Variants in RALYL observed in about 807,000 individuals in gnomAD.
The protein encoded by RALYL is RALY RNA binding protein like.
A neutral mutation model predicts 35.1 loss-of-function variants in RALYL; 29 were observed. That is an observed-to-expected ratio of 0.83 (90% CI 0.61 to 1.13). The LOEUF is 1.13. Among genes scored for constraint, RALYL ranks in the 50% most tolerant of loss-of-function variants. The pLI, the probability that RALYL is intolerant of heterozygous loss-of-function variation, is 0.00. For missense variants in RALYL, 359 were observed against 360.4 expected (o/e 1.00, Z 0.03); for synonymous variants, 120 against 127.6 (o/e 0.94, Z 0.40).
At position 84,691,228 on chromosome 8, in the gene RALYL, T is replaced by A. The variant is rs1302309809; in HGVS notation, c.257-83351T>A. On this transcript the variant is annotated intron_variant, in intron 2 of 8. Transcript: ENST00000521268. ...GGGATCTAGAAATGATAAATGGGCT[T>A]GTGATGAACTCTCCTGAAGGAAAGC... Among the ~76,000 whole-genome samples, 574 of 152,196 alleles carry A rather than the reference T, an allele frequency of 3.8e-3. 5 individuals are homozygous for A. Among genetic ancestry groups the A allele is most frequent in the African/African-American group, 0.013 (544 of 41,546 alleles).
chr8:84,454,837 G>T (rs1374595416), intron 1 of RALYL, among the ~76,000 whole-genome samples: 1 of 151,978 alleles, frequency 6.6e-6, no homozygotes. Flanking sequence ...AAGGCATGTG[G>T]GAGGAGGTAC....
At chr8:84,801,144 A>G (rs2133969916) in intron 3 of RALYL, among the ~76,000 whole-genome samples, 1 of 152,262 alleles carries the variant, frequency 6.6e-6, no homozygotes, top group Non-Finnish European at 1.5e-5. Flanking sequence ...TCTCCACTCT[A>G]CAGTGTGTCA....
chr8:84,435,573 C>G (rs1475673091), intron 1 of RALYL, among the ~76,000 whole-genome samples: 1 of 152,114 alleles, frequency 6.6e-6, no homozygotes, highest in Non-Finnish European at 1.5e-5. Flanking sequence ...TCCACAATTA[C>G]TTTTTACTAC....
intron 7 of RALYL, among the ~76,000 whole-genome samples, chr8:84,879,526 T>G (rs1841809882): frequency 6.6e-6 from 1 of 152,090 alleles, no homozygotes; most frequent in African/African-American, 2.4e-5. Flanking sequence ...AACTGAATCC[T>G]CAGCTTCCTA....
At chr8:84,277,856 G>T in intron 1 of RALYL, among the ~76,000 whole-genome samples, 1 of 152,238 alleles carries the variant, frequency 6.6e-6, no homozygotes, top group Non-Finnish European at 1.5e-5. Context: ...CCACCCCTGT[G>T]GCCTTGCAGG....
At chr8:84,735,109 A>G (rs1043226497) in intron 2 of RALYL, among the ~76,000 whole-genome samples, 7 of 151,534 alleles carry the variant, frequency 4.6e-5, no homozygotes, top group African/African-American at 1.2e-4. Context: ...TTCATTTGCC[A>G]TATTGATGGA....
chr8:84,687,071 A>AT (rs762400376), intron 2 of RALYL, among the ~76,000 whole-genome samples: 7 of 152,110 alleles, frequency 4.6e-5, no homozygotes, highest in Admixed American at 2.0e-4. Context: ...TCATGTTTTC[A>AT]TTTTTTGTGT....
intron 1 of RALYL, among the ~76,000 whole-genome samples, chr8:84,326,013 G>A (rs980806670): frequency 2.0e-5 from 3 of 152,126 alleles, no homozygotes; most frequent in African/African-American, 7.2e-5. Context: ...TTGGGAGGCT[G>A]AGGCAGGAGA....
At chr8:84,636,203 C>T (rs1825025026) in intron 2 of RALYL, among the ~76,000 whole-genome samples, 1 of 151,762 alleles carries the variant, frequency 6.6e-6, no homozygotes, top group Non-Finnish European at 1.5e-5. Context: ...TCCTTTTTAA[C>T]AGCACTGTCT....
intron 4 of RALYL, among the ~76,000 whole-genome samples, chr8:84,840,581 G>C (rs879680629): frequency 7.9e-5 from 12 of 152,288 alleles, no homozygotes; most frequent in Admixed American, 7.8e-4. Flanking sequence ...AATCTAGCAA[G>C]GCAGGCCAAC....
intron 1 of RALYL, among the ~76,000 whole-genome samples, chr8:84,484,561 G>A (rs916173052): frequency 6.6e-6 from 1 of 152,016 alleles, no homozygotes; most frequent in African/African-American, 2.4e-5. Flanking sequence ...TGGAACTCTA[G>A]TTAGGGCACT....
intron 1 of RALYL, among the ~76,000 whole-genome samples, chr8:84,254,502 A>T (rs1411507326): frequency 1.3e-5 from 2 of 152,038 alleles, no homozygotes; most frequent in African/African-American, 2.4e-5. Flanking sequence ...TGACACTGGG[A>T]CATGTCATGG....
At chr8:84,575,867 C>T (rs1041791066) in intron 2 of RALYL, among the ~76,000 whole-genome samples, 10 of 151,174 alleles carry the variant, frequency 6.6e-5, no homozygotes, top group Admixed American at 3.3e-4. Flanking sequence ...TGGCGTGCAC[C>T]TGTAATATCA....
rs74455874 is a variant in RALYL at position 84,399,251 on chromosome 8, G to T, written c.-23-130048G>T. ...AGAACATGTGCTAAGTACTTTACAT[G>T]CATCACCTAAGTTAATGCTCACAAT... On this transcript the variant is annotated intron_variant, in intron 1 of 8. Coordinates refer to ENST00000521268, the MANE Select transcript of RALYL (RefSeq NM_173848.7). Among the ~76,000 whole-genome samples, 278 of 152,214 alleles carry T rather than the reference G, an allele frequency of 1.8e-3. 2 individuals are homozygous for T. Among genetic ancestry groups the T allele is most frequent in the Non-Finnish European group, 3.2e-3 (221 of 68,016 alleles).
At chr8:84,877,780 G>T (rs1007412026) in intron 7 of RALYL, among the ~76,000 whole-genome samples, 1 of 152,042 alleles carries the variant, frequency 6.6e-6, no homozygotes, top group East Asian at 1.9e-4. Flanking sequence ...CACAGATTAC[G>T]TTGCTCAGAA....
chr8:84,676,702 T>C (rs1267453992), intron 2 of RALYL, among the ~76,000 whole-genome samples: 2 of 152,256 alleles, frequency 1.3e-5, no homozygotes, highest in Non-Finnish European at 2.9e-5. Context: ...TATTAAGGCC[T>C]TTCTGTGCTT....
chr8:84,622,869 T>A (rs1016931638), intron 2 of RALYL, among the ~76,000 whole-genome samples: 14 of 152,188 alleles, frequency 9.2e-5, no homozygotes, highest in African/African-American at 3.4e-4. Flanking sequence ...GTCGTTGTTA[T>A]CTACGTGGAA....
chr8:84,454,961 A>G (rs897478939), intron 1 of RALYL, among the ~76,000 whole-genome samples: 11 of 152,112 alleles, frequency 7.2e-5, no homozygotes, highest in South Asian at 2.1e-4. Flanking sequence ...GAAAGACTAT[A>G]TCAATGCGTA....
rs529362088 is a variant in RALYL at position 84,347,070 on chromosome 8, A to G, written c.-24+162646A>G. 2.0e-5 allele frequency among the ~76,000 whole-genome samples: 3 copies of G among 152,062 alleles called. No homozygotes were observed. In the South Asian group the frequency reaches 6.2e-4, roughly 32 times the overall value. ...AAAAAACTTAGCCAGGCTTGGTAAC[A>G]GGTGCCTGTAAACCCAGCTACCTGG... On this transcript the variant is annotated intron_variant, in intron 1 of 8. Transcript: ENST00000521268.
Sources: allele counts gnomAD v4.1 joint callset (sites outside exome capture counted in the v4.1 genomes callset), GRCh38; gene constraint gnomAD v4.1.1; transcripts MANE v1.5; gene names NCBI Gene and HGNC (gene_info 2026-07-23, HGNC 2026-07-21).